Variants in SPAG16 observed in about 807,000 individuals in gnomAD.
SPAG16 encodes the protein sperm-associated antigen 16 protein.
Under a neutral mutation model 80.4 loss-of-function variants are expected in SPAG16, and 86 were observed. The ratio of observed to expected loss-of-function variants is 1.07; its 90% CI spans 0.90 to 1.28. The LOEUF is 1.28. Ranked by LOEUF, SPAG16 falls within the 50% of genes most tolerant of loss-of-function variation. The probability of loss-of-function intolerance (pLI) is 0.00; values close to 1 mark genes in which losing one functional copy is unlikely to be tolerated. For missense variants in SPAG16, 870 were observed against 765.3 expected (o/e 1.14, Z -1.61); for synonymous variants, 294 against 265.9 (o/e 1.11, Z -1.03).
chr2:214,161,594 C>T (rs1419968513), intron 15 of SPAG16, among the ~76,000 whole-genome samples: 2 of 151,948 alleles, frequency 1.3e-5, no homozygotes, highest in African/African-American at 2.4e-5. Context: ...GGTGGCATGA[C>T]TGTCTTTTTT....
intron 10 of SPAG16, among the ~76,000 whole-genome samples, chr2:213,753,877 G>C (rs1379238665): frequency 6.6e-6 from 1 of 152,166 alleles, no homozygotes; most frequent in Non-Finnish European, 1.5e-5. Context: ...AGATTATCAG[G>C]AATCAGGAAA....
Position 214,274,015 on chromosome 2 carries a change from C to T in SPAG16, c.1720+124749C>T, listed in dbSNP as rs182069159. Among the ~76,000 whole-genome samples the T allele has an allele frequency of 2.7e-3, 410 of 152,194 alleles. 5 individuals carry two copies. Among genetic ancestry groups the T allele is most frequent in the Non-Finnish European group, 4.6e-3 (316 of 67,998 alleles). On this transcript the variant is annotated intron_variant, in intron 15 of 15. Transcript: ENST00000331683. ...TCTCCTTGAAGAGGCCCTTCACATCCCTTGTAAGTTGGATTCCTAGGTATT... is the reference window on the plus strand; with the variant it reads ...TCTCCTTGAAGAGGCCCTTCACATCTCTTGTAAGTTGGATTCCTAGGTATT...
At chr2:214,342,786 G>T (rs185682968) in intron 15 of SPAG16, among the ~76,000 whole-genome samples, 61 of 152,254 alleles carry the variant, frequency 4.0e-4, no homozygotes, top group Non-Finnish European at 7.6e-4. Flanking sequence ...AAAATCCTTA[G>T]AAAAGAATGC....
rs540765922 is a variant in SPAG16 at position 213,609,591 on chromosome 2, T to C, written c.1070+119501T>C. ...TCCATGTATCACTAAACATCTTTCCTAGTGCTGTTTCAATCATATTCATGT... is the reference window on the plus strand; with the variant it reads ...TCCATGTATCACTAAACATCTTTCCCAGTGCTGTTTCAATCATATTCATGT... On this transcript the variant is annotated intron_variant, in intron 10 of 15. Transcript: ENST00000331683. 2.0e-5 allele frequency among the ~76,000 whole-genome samples: 3 copies of C among 152,312 alleles called. No homozygotes were observed. The South Asian group carries it at 6.2e-4, about 32-fold the overall frequency.
intron 15 of SPAG16, among the ~76,000 whole-genome samples, chr2:214,331,180 A>G (rs1254311200): frequency 6.6e-6 from 1 of 152,068 alleles, no homozygotes; most frequent in East Asian, 1.9e-4. Flanking sequence ...TTGTTCATTT[A>G]CTGTCAAAAT....
At chr2:214,223,955 T>C (rs1269215876) in intron 15 of SPAG16, among the ~76,000 whole-genome samples, 1 of 152,148 alleles carries the variant, frequency 6.6e-6, no homozygotes, top group Non-Finnish European at 1.5e-5. Context: ...AAGTTCTCCA[T>C]AGGGAGCAGA....
chr2:213,875,542 A>G (rs2076110213), intron 11 of SPAG16, among the ~76,000 whole-genome samples: 1 of 152,162 alleles, frequency 6.6e-6, no homozygotes, highest in Non-Finnish European at 1.5e-5. Flanking sequence ...GTTGCAGTGA[A>G]TTAAAGAGTC....
chr2:213,331,673 T>C (rs944664546), intron 5 of SPAG16, among the ~76,000 whole-genome samples: 4 of 152,090 alleles, frequency 2.6e-5, no homozygotes, highest in Non-Finnish European at 4.4e-5. Context: ...TGAAATAATA[T>C]CAAACATCTT....
chr2:213,736,530 C>T (rs913416923), intron 10 of SPAG16, among the ~76,000 whole-genome samples: 1 of 151,504 alleles, frequency 6.6e-6, no homozygotes, highest in African/African-American at 2.4e-5. Context: ...TCAGATGATC[C>T]ACCTGCCTCG....
intron 12 of SPAG16, among the ~76,000 whole-genome samples, chr2:213,966,230 T>G (rs1395604161): frequency 6.6e-6 from 1 of 152,196 alleles, no homozygotes; most frequent in Non-Finnish European, 1.5e-5. Flanking sequence ...CTGAGGGGTC[T>G]GAGAACAATT....
At chr2:213,589,099 T>G (rs1481447510) in intron 10 of SPAG16, among the ~76,000 whole-genome samples, 1 of 152,174 alleles carries the variant, frequency 6.6e-6, no homozygotes, top group African/African-American at 2.4e-5. Flanking sequence ...AACTGTTGAT[T>G]ACATTTTACA....
rs147845928 is a variant in SPAG16, at chr2:213,553,127, T to C, written c.1070+63037T>C. On this transcript the variant is annotated intron_variant, in intron 10 of 15. Coordinates refer to ENST00000331683, the MANE Select transcript of SPAG16 (RefSeq NM_024532.5). ...ATACACCTTAATAAACTCCCCTTCA[T>C]ATATACATCTATGCTATTAGTCCTG... Among the ~76,000 whole-genome samples, 112 of 152,304 alleles carry C rather than the reference T, an allele frequency of 7.4e-4. 1 individual carries two copies. The highest frequency in any genetic ancestry group is 2.6e-3 in the African/African-American group (109 of 41,556).
At chr2:213,982,357 T>C (rs1488084985) in intron 12 of SPAG16, among the ~76,000 whole-genome samples, 1 of 151,828 alleles carries the variant, frequency 6.6e-6, no homozygotes, top group Non-Finnish European at 1.5e-5. Flanking sequence ...AACTGTTTAA[T>C]ATGTTTAATG....
intron 10 of SPAG16, among the ~76,000 whole-genome samples, chr2:213,561,996 G>A (rs12466426): frequency 0.048 from 7,277 of 152,184 alleles, 334 homozygotes; most frequent in East Asian, 0.14. Flanking sequence ...TTGCTCTAGC[G>A]AAAGTGTCTT....
chr2:213,615,893 G>A (rs1026217996), intron 10 of SPAG16, among the ~76,000 whole-genome samples: 1 of 152,022 alleles, frequency 6.6e-6, no homozygotes, highest in Non-Finnish European at 1.5e-5. Context: ...AGTCCATTTT[G>A]GGGGTGGGGG....
chr2:214,279,976 G>A (rs1261345161), intron 15 of SPAG16, among the ~76,000 whole-genome samples: 1 of 152,176 alleles, frequency 6.6e-6, no homozygotes, highest in Admixed American at 6.5e-5. Flanking sequence ...TGATGCTAAA[G>A]CAGTTCTTAG....
chr2:214,178,919 G>T (rs886935604), intron 15 of SPAG16, among the ~76,000 whole-genome samples: 2 of 151,092 alleles, frequency 1.3e-5, no homozygotes, highest in East Asian at 1.9e-4. Flanking sequence ...TAAAAGCCCA[G>T]TTGTTACCGT....
In SPAG16 at chr2:213,908,769, T is replaced by TC. The variant is rs397686738; in HGVS notation, c.1215-21189dup. ...CATTCTTTTTTTTTGTCTTTTTTTT[T>TC]CCTTTTTTTAATTATTATTATACTT... On this transcript the variant is annotated intron_variant, in intron 11 of 15. Transcript: ENST00000331683. Among the ~76,000 whole-genome samples the TC allele has an allele frequency of 3.0e-3, 449 of 151,432 alleles. 2 individuals carry two copies. The highest frequency in any genetic ancestry group is 4.1e-3 in the Non-Finnish European group (275 of 67,772).
intron 7 of SPAG16, among the ~76,000 whole-genome samples, chr2:213,361,975 G>C (rs2125112441): frequency 6.6e-6 from 1 of 152,226 alleles, no homozygotes; most frequent in East Asian, 1.9e-4. Context: ...GTTAGGGCCA[G>C]GGTGAGAATT....
Sources: gnomAD v4.1 joint callset for allele counts (sites outside exome capture counted in the v4.1 genomes callset) on GRCh38, gnomAD v4.1.1 for gene constraint, MANE v1.5 for transcripts, NCBI Gene and HGNC (gene_info 2026-07-23, HGNC 2026-07-21) for gene names.